The following NT5DC1 variants were observed in gnomAD, a reference collection of about 807,000 sequenced individuals.
NT5DC1 encodes 5'-nucleotidase domain-containing protein 1.
NT5DC1 carries 42 observed loss-of-function variants against 59.4 expected under a neutral mutation model. The ratio of observed to expected loss-of-function variants is 0.71; its 90% CI spans 0.55 to 0.92. The LOEUF (loss-of-function observed/expected upper bound fraction) is 0.92. NT5DC1 is among the 40% of genes least tolerant of loss of function. NT5DC1 has a pLI of 0.00. For missense variants in NT5DC1, 501 were observed against 537.1 expected (o/e 0.93, Z 0.66); for synonymous variants, 172 against 188.1 (o/e 0.91, Z 0.70).
At chr6:116,224,772 T>A (rs1279493243) in intron 8 of NT5DC1, among the ~76,000 whole-genome samples, 1 of 152,210 alleles carries the variant, frequency 6.6e-6, no homozygotes, top group African/African-American at 2.4e-5. Flanking sequence ...TTAAATTTTA[T>A]TCCACAAGTA....
chr6:116,160,771 C>T (rs961195342), intron 6 of NT5DC1, among the ~76,000 whole-genome samples: 1 of 152,160 alleles, frequency 6.6e-6, no homozygotes, highest in Admixed American at 6.5e-5. Flanking sequence ...ACATTGAAGC[C>T]TTTAATCTAT....
At position 116,248,240 on chromosome 6, in the gene NT5DC1, C is replaced by T. The variant is rs1386862401; in HGVS notation, c.*4216C>T. The T allele has an allele frequency of 6.6e-6, 1 of 152,174 alleles. No individual in the cohort carries two copies. The allele number at this position is 152,174 out of a possible 1,614,324, so 9.4% of individuals were successfully genotyped here. On this transcript the variant is annotated 3_prime_UTR_variant, in exon 12 of 12. Transcript: ENST00000319550. Reference sequence around the variant, plus strand: ...TTAGGCAGTTCTACTTTCTGGACCTCTGTTTTCTCAACTATTTAAATGGAA... The same window carrying T: ...TTAGGCAGTTCTACTTTCTGGACCTTTGTTTTCTCAACTATTTAAATGGAA...
rs747102497 is a variant in NT5DC1 at position 116,108,363 on chromosome 6, G to T, written c.186-1G>T. 2 of 1,591,058 alleles carry T rather than the reference G, an allele frequency of 1.3e-6. No individual in the cohort carries two copies. Among genetic ancestry groups the T allele is most frequent in the African/African-American group, 1.3e-5 (1 of 74,456 alleles). On this transcript the variant is annotated splice_acceptor_variant, in intron 2 of 11. Coordinates refer to ENST00000319550, the MANE Select transcript of NT5DC1 (RefSeq NM_152729.3). LOFTEE classifies it high-confidence loss of function. ...TTAATAATCAAACTTTCCTATTTCAGTTGCAAAGGTTTGGCATTGGATCTA... is the reference window on the plus strand; with the variant it reads ...TTAATAATCAAACTTTCCTATTTCATTTGCAAAGGTTTGGCATTGGATCTA...
At chr6:116,163,456 A>G (rs1277724102) in intron 6 of NT5DC1, among the ~76,000 whole-genome samples, 2 of 151,950 alleles carry the variant, frequency 1.3e-5, no homozygotes, top group Non-Finnish European at 2.9e-5. Context: ...TTTCTGTGGT[A>G]TCAATTTTAA....
intron 5 of NT5DC1, among the ~76,000 whole-genome samples, chr6:116,116,420 GATCACGAAGTCAGGAGTTCGAGACCAGCC>G (rs1364904853): frequency 6.6e-6 from 1 of 152,204 alleles, no homozygotes; most frequent in Admixed American, 6.5e-5. Flanking sequence ...AAAACAGGCG[GATCACGAAGTCAGGAGTTCGAGACCAGCC>G]TGGCCAATAT....
At chr6:116,216,636 A>G (rs942627067) in intron 6 of NT5DC1, among the ~76,000 whole-genome samples, 1 of 151,828 alleles carries the variant, frequency 6.6e-6, no homozygotes, top group Non-Finnish European at 1.5e-5. Context: ...GATATTCTAG[A>G]TTTATTTATT....
At chr6:116,215,495 T>C (rs1194685020) in intron 6 of NT5DC1, among the ~76,000 whole-genome samples, 1 of 152,106 alleles carries the variant, frequency 6.6e-6, no homozygotes, top group Non-Finnish European at 1.5e-5. Context: ...CCTTGTCGAC[T>C]TTACAGCCTG....
rs761027927 is a variant in NT5DC1, at chr6:116,121,101, G to T, written c.529+3156G>T. ...CCTTGGGGTCCCATATTCCCAGGGG[G>T]TCCAGTCAGACCTGGCTTCCCAGGA... is the stretch of plus-strand genomic sequence containing the variant. On this transcript the variant is annotated intron_variant, in intron 6 of 11. Transcript: ENST00000319550. 8.7e-5 allele frequency: 140 copies of T among 1,613,748 alleles called. No homozygotes were observed. Among genetic ancestry groups the T allele is most frequent in the Middle Eastern group, 1.6e-4 (1 of 6,084 alleles).
intron 6 of NT5DC1, among the ~76,000 whole-genome samples, chr6:116,183,064 T>C (rs1780922356): frequency 6.6e-6 from 1 of 152,074 alleles, no homozygotes; most frequent in Admixed American, 6.6e-5. Flanking sequence ...AGATGAGAGA[T>C]GAGGATCCAT....
chr6:116,242,556 T>C (rs1026151969), intron 11 of NT5DC1, among the ~76,000 whole-genome samples: 2 of 151,724 alleles, frequency 1.3e-5, no homozygotes, highest in Admixed American at 6.6e-5. Context: ...GAAAAATGAT[T>C]AGCATGAGAG....
At chr6:116,179,072 T>C (rs1780816149) in intron 6 of NT5DC1, among the ~76,000 whole-genome samples, 1 of 152,146 alleles carries the variant, frequency 6.6e-6, no homozygotes, top group Admixed American at 6.6e-5. Flanking sequence ...GTTCATGCTG[T>C]TTTTTCTTCT....
At chr6:116,121,519 T>C in intron 6 of NT5DC1, 1 of 1,614,136 alleles carries the variant, frequency 6.2e-7, no homozygotes, top group Non-Finnish European at 8.5e-7. Context: ...CCCTCTCACC[T>C]GGACGACCAG....
At chr6:116,132,787 T>C (rs2114335982) in intron 6 of NT5DC1, among the ~76,000 whole-genome samples, 1 of 152,206 alleles carries the variant, frequency 6.6e-6, no homozygotes, top group Admixed American at 6.6e-5. Flanking sequence ...CCTTTTAGGG[T>C]AGAAATGGGA....
chr6:116,147,768 C>T (rs1388763179), intron 6 of NT5DC1, among the ~76,000 whole-genome samples: 1 of 152,092 alleles, frequency 6.6e-6, no homozygotes, highest in African/African-American at 2.4e-5. Flanking sequence ...TGCATGTGTG[C>T]AAATGATGTA....
At chr6:116,107,540 T>TTTTATTTTATTTTA (rs1778788364) in intron 2 of NT5DC1, among the ~76,000 whole-genome samples, 1 of 132,606 alleles carries the variant, frequency 7.5e-6, no homozygotes, top group African/African-American at 2.8e-5. Flanking sequence ...AGTGGTTTTC[T>TTTTATTTTATTTTA]TTTTATTTTA....
rs893678607 is a variant in NT5DC1 at position 116,100,905 on chromosome 6, C to A, written c.-26C>A. 1.3e-6 allele frequency: 2 copies of A among 1,572,816 alleles called. No homozygotes were observed. The highest frequency in any genetic ancestry group is 1.4e-5 in the African/African-American group (1 of 71,084). On this transcript the variant is annotated 5_prime_UTR_variant, in exon 1 of 12. Transcript: ENST00000319550. Reference sequence around the variant, plus strand: ...CTCCTTGCACCCTTCGCGGCCGAGGCGCTCCCTGGTGCTCCCCGCGCAGCC... The same window carrying A: ...CTCCTTGCACCCTTCGCGGCCGAGGAGCTCCCTGGTGCTCCCCGCGCAGCC...
intron 6 of NT5DC1, among the ~76,000 whole-genome samples, chr6:116,140,197 C>T (rs1249068821): frequency 6.6e-6 from 1 of 152,114 alleles, no homozygotes; most frequent in African/African-American, 2.4e-5. Flanking sequence ...TTCAAGTATT[C>T]CTCTTCTGTT....
At chr6:116,238,740 A>G (rs931265523) in intron 10 of NT5DC1, among the ~76,000 whole-genome samples, 2 of 152,108 alleles carry the variant, frequency 1.3e-5, no homozygotes, top group African/African-American at 4.8e-5. Flanking sequence ...ATAATAACCA[A>G]TTGACCATAT....
At chr6:116,125,697 G>A (rs1392952485) in intron 6 of NT5DC1, 1 of 475,142 alleles carries the variant, frequency 2.1e-6, no homozygotes, top group Non-Finnish European at 3.7e-6. Context: ...GTTATTTTTG[G>A]AAGCTATACT....
Sources: allele counts gnomAD v4.1 joint callset (sites outside exome capture counted in the v4.1 genomes callset), GRCh38; gene constraint gnomAD v4.1.1; transcripts MANE v1.5; gene names NCBI Gene and HGNC (gene_info 2026-07-23, HGNC 2026-07-21).